The following ANOS1 variants were observed in gnomAD, a reference collection of about 807,000 sequenced individuals.
ANOS1 encodes the protein anosmin 1, also known as anosmin-1.
A neutral mutation model predicts 59.0 loss-of-function variants in ANOS1; 6 were observed. The ratio of observed to expected loss-of-function variants is 0.10; its 90% confidence interval spans 0.06 to 0.20. The LOEUF (loss-of-function observed/expected upper bound fraction) is 0.20, where lower values mean the gene tolerates loss of function less well. Among genes scored for constraint, ANOS1 ranks in the 10% least tolerant of loss-of-function variants. The probability of loss-of-function intolerance (pLI) is 1.00; values close to 1 mark genes in which losing one functional copy is unlikely to be tolerated. For synonymous variants in ANOS1, 217 were observed against 223.4 expected, an observed-to-expected ratio of 0.97 and a Z score of 0.25; for missense variants, 433 against 542.3, an observed-to-expected ratio of 0.80 and a Z score of 2.00.
At chrX:8,666,784 T>C (rs1025194042) in intron 2 of ANOS1, among the ~76,000 whole-genome samples, 10 of 111,546 alleles carry the variant, frequency 9.0e-5, no homozygotes, top group Non-Finnish European at 1.5e-4. Flanking sequence ...CGCTGATAAG[T>C]CCCCTTCAAC....
chrX:8,677,026 C>A (rs1932347038), intron 2 of ANOS1, among the ~76,000 whole-genome samples: 1 of 111,910 alleles, frequency 8.9e-6, no homozygotes, highest in Non-Finnish European at 1.9e-5. Flanking sequence ...CTGATAGAAC[C>A]AAATGTCAGC....
At chrX:8,680,074 A>G (rs771231860) in intron 2 of ANOS1, among the ~76,000 whole-genome samples, 1 of 106,176 alleles carries the variant, frequency 9.4e-6, no homozygotes, top group East Asian at 3.0e-4. Context: ...GGCAGGAGAA[A>G]GAATTGCTTG....
chrX:8,549,314 A>C (rs776702148), intron 9 of ANOS1, among the ~76,000 whole-genome samples: 4 of 112,366 alleles, frequency 3.6e-5, no homozygotes, highest in Non-Finnish European at 7.5e-5. Context: ...ATATGTGTAC[A>C]TATCTATGCC....
intron 1 of ANOS1, among the ~76,000 whole-genome samples, chrX:8,711,530 T>C (rs1027470054): frequency 1.8e-5 from 2 of 112,775 alleles, no homozygotes; most frequent in African/African-American, 6.4e-5. Flanking sequence ...CTTTACAAGA[T>C]AATCACAGAG....
chrX:8,585,951 G>A (rs1173202085), intron 5 of ANOS1, among the ~76,000 whole-genome samples: 1 of 111,751 alleles, frequency 8.9e-6, no homozygotes, highest in African/African-American at 3.3e-5. Context: ...GCATATATTT[G>A]CTCAATAAAA....
At chrX:8,727,882 AAAG>A (rs774782957) in intron 1 of ANOS1, among the ~76,000 whole-genome samples, 2 of 112,754 alleles carry the variant, frequency 1.8e-5, no homozygotes, top group South Asian at 7.4e-4. Flanking sequence ...TGCACAATAT[AAAG>A]AAGAAGAGTT....
rs750709229 is a variant in ANOS1 at position 8,615,491 on chromosome X, C to T, written c.318+8117G>A. Among the ~76,000 whole-genome samples the T allele has an allele frequency of 3.9e-4, 40 of 102,258 alleles. 1 individual carries two copies. The highest frequency in any genetic ancestry group is 4.6e-4 in the South Asian group (1 of 2,162). The allele number at this position is 102,258 out of a possible 115,157, so 88.8% of individuals were successfully genotyped here. A position where few individuals can be genotyped will look rare whatever the true frequency, so the allele number is the denominator to read the frequency against. On this transcript the variant is annotated intron_variant, in intron 3 of 13. Coordinates refer to ENST00000262648, the MANE Select transcript of ANOS1 (RefSeq NM_000216.4). The stretch of plus-strand genomic sequence containing the variant: ...CTGGGGGGCGGAGGTTGCACTGAGC[C>T]GAGATCGTGCCATTGCACTCCAGCC...
chrX:8,579,786 C>G (rs1038962363), intron 6 of ANOS1, among the ~76,000 whole-genome samples: 4 of 111,721 alleles, frequency 3.6e-5, no homozygotes, highest in Non-Finnish European at 5.6e-5. Context: ...CCTTAACCCC[C>G]CTCCAGCGAG....
chrX:8,561,352 T>C (rs967595777), intron 8 of ANOS1, among the ~76,000 whole-genome samples: 27 of 110,543 alleles, frequency 2.4e-4, no homozygotes, highest in Non-Finnish European at 3.6e-4. Flanking sequence ...CAGGCTCGAG[T>C]GCAGTGGTGC....
intron 4 of ANOS1, among the ~76,000 whole-genome samples, chrX:8,588,659 G>C (rs1029056456): frequency 1.5e-4 from 17 of 112,130 alleles, no homozygotes; most frequent in African/African-American, 5.5e-4. Context: ...GAGTGAGTGT[G>C]CTGCTTCAAA....
In ANOS1 at chrX:8,597,166, G is replaced by C. The variant is rs1043292415; in HGVS notation, c.409C>G (p.Pro137Ala). Residue 137 changes from proline (P) to alanine (A), a missense_variant, in exon 4 of 14, where the codon CCT becomes GCT. Coordinates refer to ENST00000262648, the MANE Select transcript of ANOS1 (RefSeq NM_000216.4). The stretch of plus-strand genomic sequence containing the variant: ...GCCGCAAATCCACTGGCTTTCTCAG[G>C]AGCCGGACAGTCCCCCTGCTTCACC... ...LLVKQGDCPA[P>A]EKASGFAAAC... 5.0e-6 allele frequency: 6 copies of C among 1,209,809 alleles called. No homozygotes were observed. The Admixed American group carries it at 6.6e-5, about 13-fold the overall frequency.
At chrX:8,600,910 G>T (rs891722810) in intron 3 of ANOS1, among the ~76,000 whole-genome samples, 16 of 112,432 alleles carry the variant, frequency 1.4e-4, no homozygotes, top group African/African-American at 5.2e-4. Context: ...CTTGTATTAG[G>T]CCGGGCGTGG....
chrX:8,598,028 A>G (rs1024701167), intron 3 of ANOS1, among the ~76,000 whole-genome samples: 10 of 111,658 alleles, frequency 9.0e-5, no homozygotes, highest in Admixed American at 3.8e-4. Context: ...AAACTTTACA[A>G]TTCTCACAAT....
At chrX:8,553,594 C>T (rs1929891667) in intron 9 of ANOS1, among the ~76,000 whole-genome samples, 1 of 110,879 alleles carries the variant, frequency 9.0e-6, no homozygotes, top group African/African-American at 3.3e-5. Flanking sequence ...GTGACTTTCC[C>T]CCCCTACTTT....
At chrX:8,682,313 A>G (rs776053129) in intron 2 of ANOS1, among the ~76,000 whole-genome samples, 2 of 109,986 alleles carry the variant, frequency 1.8e-5, no homozygotes, top group Admixed American at 2.0e-4. Flanking sequence ...AGAAAAAAAA[A>G]AAAAGTAAGA....
chrX:8,638,352 C>T (rs1053408609), intron 2 of ANOS1, among the ~76,000 whole-genome samples: 8 of 112,230 alleles, frequency 7.1e-5, no homozygotes, highest in African/African-American at 2.3e-4. Flanking sequence ...TTACAAGAGT[C>T]TCCCTTTACT....
At chrX:8,667,740 G>A (rs1429049791) in intron 2 of ANOS1, among the ~76,000 whole-genome samples, 1 of 111,180 alleles carries the variant, frequency 9.0e-6, no homozygotes, top group East Asian at 2.8e-4. Flanking sequence ...AGTAAGGTAA[G>A]GGATTTAGTG....
chrX:8,651,114 C>T (rs1051169103), intron 2 of ANOS1, among the ~76,000 whole-genome samples: 6 of 112,510 alleles, frequency 5.3e-5, no homozygotes, highest in African/African-American at 1.9e-4. Context: ...GTATGATCCC[C>T]TAATACCCTG....
At chrX:8,561,262 A>G (rs10126201) in intron 8 of ANOS1, among the ~76,000 whole-genome samples, 5,838 of 111,996 alleles carry the variant, frequency 0.052, 377 homozygotes, top group African/African-American at 0.18. Flanking sequence ...AGTTCAAATC[A>G]ATGTGTGGAT....
Sources: gnomAD v4.1 joint callset for allele counts (sites outside exome capture counted in the v4.1 genomes callset) on GRCh38, gnomAD v4.1.1 for gene constraint, MANE v1.5 for transcripts, NCBI Gene and HGNC (gene_info 2026-07-23, HGNC 2026-07-21) for gene names.